METTL15: variants seen among roughly 807,000 people sequenced by gnomAD.
METTL15 encodes methyltransferase 15, mitochondrial 12S rRNA N4-cytidine.
In METTL15, 34 loss-of-function variants were observed where a neutral mutation model predicts 38.3. That is an observed-to-expected ratio of 0.89 (90% CI 0.68 to 1.18). The LOEUF (loss-of-function observed/expected upper bound fraction) is 1.18. Among genes scored for constraint, METTL15 ranks in the 50% most tolerant of loss-of-function variants. METTL15 has a pLI of 0.00. For missense variants in METTL15, 438 were observed against 498.4 expected, an observed-to-expected ratio of 0.88 and a Z score of 1.15; for synonymous variants, 162 against 170.9, an observed-to-expected ratio of 0.95 and a Z score of 0.41.
At chr11:28,194,459 A>G (rs1228824072) in intron 3 of METTL15, among the ~76,000 whole-genome samples, 1 of 151,384 alleles carries the variant, frequency 6.6e-6, no homozygotes, top group Non-Finnish European at 1.5e-5. Flanking sequence ...CTTGGCCTCC[A>G]AAAGTGCTGG....
intron 5 of METTL15, among the ~76,000 whole-genome samples, chr11:28,394,684 A>G (rs925165807): frequency 1.2e-4 from 18 of 152,116 alleles, no homozygotes; most frequent in Non-Finnish European, 2.9e-5. Flanking sequence ...ACATAAAGAT[A>G]CTAATGATTC....
Position 28,330,783 on chromosome 11 carries a change from A to T in METTL15, c.1166A>T (p.Asp389Val), listed in dbSNP as rs558701916. ...HKKVLSPQDQDVQDNPRGRSA... is the reference protein window; with the variant it reads ...HKKVLSPQDQVVQDNPRGRSA... ...AAGGTACTTAGTCCACAAGATCAGG[A>T]TGTACAAGATAACCCCAGAGGGCGC... The change falls in exon 7 of 7, where the codon GAT (aspartate) becomes GTT (valine). Residue 389 changes from aspartate to valine, a missense_variant. Transcript: ENST00000407364. 2.6e-4 allele frequency: 407 copies of T among 1,551,682 alleles called. No individual in the cohort carries two copies. Among genetic ancestry groups the T allele is most frequent in the Non-Finnish European group, 3.5e-4 (402 of 1,146,856 alleles).
chr11:28,183,908 G>A (rs1325395276), intron 3 of METTL15, among the ~76,000 whole-genome samples: 1 of 151,918 alleles, frequency 6.6e-6, no homozygotes, highest in Non-Finnish European at 1.5e-5. Flanking sequence ...TGGTTGGTAG[G>A]CTGTTAATTA....
chr11:28,486,775 ATAACT>A (rs1217147174), intron 6 of METTL15, among the ~76,000 whole-genome samples: 3 of 152,164 alleles, frequency 2.0e-5, no homozygotes, highest in Admixed American at 6.6e-5. Flanking sequence ...ATTGTAGCTG[ATAACT>A]TAACTTCTTT....
intron 6 of METTL15, among the ~76,000 whole-genome samples, chr11:28,484,692 A>G (rs1161252917): frequency 3.3e-5 from 5 of 152,096 alleles, no homozygotes; most frequent in Non-Finnish European, 5.9e-5. Flanking sequence ...GACAACCTTT[A>G]TGCTGGCTCC....
Position 28,438,478 on chromosome 11 carries a change from A to G in METTL15, c.*424+14114A>G, listed in dbSNP as rs1282920656. On this transcript the variant is annotated intron_variant and NMD_transcript_variant, in intron 6 of 7. Coordinates refer to the METTL15 transcript ENST00000532947. ...TGCTGGGACATATTCCCTGTGCTTG[A>G]GAGATTTAGGGCTCAGTGAAGTGGT... Among the ~76,000 whole-genome samples, 3 of 152,048 alleles carry G rather than the reference A, an allele frequency of 2.0e-5. No individual in the cohort carries two copies. The East Asian group carries it at 5.8e-4, about 29-fold the overall frequency.
intron 5 of METTL15, chr11:28,398,805 C>G (rs1297291479): frequency 6.6e-6 from 1 of 151,392 alleles, no homozygotes; most frequent in Non-Finnish European, 1.5e-5. Flanking sequence ...ATGGAGGACA[C>G]AAACAAATGG....
chr11:28,169,537 A>T (rs1306634111), intron 3 of METTL15, among the ~76,000 whole-genome samples: 1 of 152,156 alleles, frequency 6.6e-6, no homozygotes, highest in Non-Finnish European at 1.5e-5. Context: ...CTGGCTGTGG[A>T]ATCACAGGAG....
intron 5 of METTL15, among the ~76,000 whole-genome samples, chr11:28,371,184 C>G (rs1850239672): frequency 6.6e-6 from 1 of 151,894 alleles, no homozygotes; most frequent in Non-Finnish European, 1.5e-5. Context: ...AGTTGTGAGT[C>G]TTTAATCCAT....
chr11:28,204,173 G>A (rs1590152107), intron 3 of METTL15, among the ~76,000 whole-genome samples: 1 of 152,078 alleles, frequency 6.6e-6, no homozygotes, highest in Admixed American at 6.6e-5. Flanking sequence ...AAAGTTGGGG[G>A]ATTGTAGAAA....
At chr11:28,253,216 A>G (rs1855521700) in intron 4 of METTL15, among the ~76,000 whole-genome samples, 1 of 152,206 alleles carries the variant, frequency 6.6e-6, no homozygotes, top group Non-Finnish European at 1.5e-5. Context: ...AAACCGAAAG[A>G]TATTTTCCTT....
rs752921782 is a variant in METTL15, at chr11:28,203,799, T to G, written c.271-7263T>G. ...ACTAGCCTAAAATAAGAAAAGCTTG[T>G]TTTCTCATTTCAAATGTAAAGGAGA... On this transcript the variant is annotated intron_variant, in intron 3 of 6. Coordinates refer to ENST00000407364, the MANE Select transcript of METTL15 (RefSeq NM_001113528.2). Among the ~76,000 whole-genome samples the G allele has an allele frequency of 3.3e-5, 5 of 152,182 alleles. No individual in the cohort carries two copies. In the South Asian group the frequency reaches 8.3e-4, roughly 25 times the overall value.
At chr11:28,274,851 G>T (rs1171855884) in intron 4 of METTL15, among the ~76,000 whole-genome samples, 1 of 148,010 alleles carries the variant, frequency 6.8e-6, no homozygotes, top group Non-Finnish European at 1.5e-5. Context: ...CGAGTTAATG[G>T]GTGCAGCACA....
At chr11:28,242,221 TATTC>T (rs1239741261) in intron 4 of METTL15, among the ~76,000 whole-genome samples, 1 of 152,180 alleles carries the variant, frequency 6.6e-6, no homozygotes, top group African/African-American at 2.4e-5. Context: ...CATTATTAAG[TATTC>T]ATTCATGTTA....
Position 28,304,173 on chromosome 11 carries a change from T to C in METTL15, c.778+7242T>C, listed in dbSNP as rs576950714. Among the ~76,000 whole-genome samples, 446 of 152,314 alleles carry C rather than the reference T, an allele frequency of 2.9e-3. 2 individuals are homozygous for C. The highest frequency in any genetic ancestry group is 5.3e-3 in the Non-Finnish European group (361 of 68,030). On this transcript the variant is annotated intron_variant, in intron 6 of 6. Transcript: ENST00000407364. Reference sequence around the variant, plus strand: ...TGGACTTCCATTTCCAATTCTATTTTCCTGTCCATAACCAAACAGTGTGAT... The same window carrying C: ...TGGACTTCCATTTCCAATTCTATTTCCCTGTCCATAACCAAACAGTGTGAT...
chr11:28,144,671 A>G (rs1024898927), intron 3 of METTL15, among the ~76,000 whole-genome samples: 1 of 151,996 alleles, frequency 6.6e-6, no homozygotes, highest in Non-Finnish European at 1.5e-5. Flanking sequence ...TAATGCAACC[A>G]TTTATGTTTC....
intron 3 of METTL15, among the ~76,000 whole-genome samples, chr11:28,127,763 T>G (rs1480423710): frequency 6.6e-6 from 1 of 152,108 alleles, no homozygotes; most frequent in Non-Finnish European, 1.5e-5. Context: ...TTAATCTATA[T>G]AAAATTATAT....
chr11:28,323,059 T>G (rs1849522893), intron 6 of METTL15, among the ~76,000 whole-genome samples: 1 of 152,202 alleles, frequency 6.6e-6, no homozygotes, highest in African/African-American at 2.4e-5. Context: ...TACACCTATA[T>G]GTATTTTTGT....
chr11:28,472,042 T>C (rs1292688025), intron 6 of METTL15, among the ~76,000 whole-genome samples: 3 of 152,168 alleles, frequency 2.0e-5, no homozygotes, highest in Non-Finnish European at 2.9e-5. Context: ...TTCCTGCTAG[T>C]CACAGGTTTG....
Sources: allele counts gnomAD v4.1 joint callset (sites outside exome capture counted in the v4.1 genomes callset), GRCh38; gene constraint gnomAD v4.1.1; transcripts MANE v1.5; gene names NCBI Gene and HGNC (gene_info 2026-07-23, HGNC 2026-07-21).